CNST: variants seen among roughly 807,000 people sequenced by gnomAD.
CNST encodes the protein consortin.
Under a neutral mutation model 72.4 loss-of-function variants are expected in CNST, and 39 were observed. That is an observed-to-expected ratio of 0.54 (90% CI 0.42 to 0.70). The LOEUF (loss-of-function observed/expected upper bound fraction) is 0.70, where lower values mean the gene tolerates loss of function less well. Ranked by LOEUF, CNST falls within the 30% of genes least tolerant of loss-of-function variation. CNST has a pLI of 0.00. For synonymous variants in CNST, 332 were observed against 320.1 expected, an observed-to-expected ratio of 1.04 and a Z score of -0.40; for missense variants, 871 against 868.5, an observed-to-expected ratio of 1.00 and a Z score of -0.04.
intron 2 of CNST, among the ~76,000 whole-genome samples, chr1:246,599,628 C>T (rs1271430702): frequency 7.9e-5 from 12 of 152,156 alleles, no homozygotes; most frequent in Non-Finnish European, 1.5e-4. Flanking sequence ...ATCAGCTGGG[C>T]TGGGCGCAAT....
intron 2 of CNST, among the ~76,000 whole-genome samples, chr1:246,613,124 C>G (rs767312827): frequency 6.6e-6 from 1 of 152,140 alleles, no homozygotes; most frequent in African/African-American, 2.4e-5. Context: ...GATTAAGTAA[C>G]GTGCCCGATG....
At chr1:246,659,558 G>A (rs942245687) in intron 9 of CNST, among the ~76,000 whole-genome samples, 1 of 151,656 alleles carries the variant, frequency 6.6e-6, no homozygotes, top group Non-Finnish European at 1.5e-5. Context: ...TCGCGCCACT[G>A]CACTCCAGCC....
chr1:246,574,938 C>CA (rs1172705592), intron 1 of CNST, among the ~76,000 whole-genome samples: 10 of 151,676 alleles, frequency 6.6e-5, no homozygotes, highest in Admixed American at 6.6e-4. Flanking sequence ...CATAGTGAGT[C>CA]AAAGAACAAA....
chr1:246,585,711 ACT>A (rs1466284061), intron 1 of CNST, among the ~76,000 whole-genome samples: 7 of 108,254 alleles, frequency 6.5e-5, no homozygotes, highest in Non-Finnish European at 1.2e-4. Context: ...ACACACACAC[ACT>A]ATATATGTAT....
At chr1:246,660,389 GA>G (rs1667030511) in intron 10 of CNST, 55 bp downstream of exon 10, 1 of 1,572,268 alleles carries the variant, frequency 6.4e-7, no homozygotes, top group Admixed American at 1.9e-5. Flanking sequence ...TTGCTGAAAG[GA>G]TGAGTTTGTG....
intron 2 of CNST, among the ~76,000 whole-genome samples, chr1:246,613,015 A>C (rs766264511): frequency 6.6e-6 from 1 of 152,178 alleles, no homozygotes; most frequent in Non-Finnish European, 1.5e-5. Context: ...ACTGTGGTAC[A>C]TGCTTTATGT....
intron 9 of CNST, among the ~76,000 whole-genome samples, chr1:246,648,857 A>C (rs1390033972): frequency 6.6e-6 from 1 of 152,180 alleles, no homozygotes; most frequent in Non-Finnish European, 1.5e-5. Flanking sequence ...TTGTGTTCTA[A>C]ATCAGCATTA....
intron 6 of CNST, among the ~76,000 whole-genome samples, chr1:246,637,419 G>A (rs1170589441): frequency 3.3e-5 from 5 of 152,236 alleles, no homozygotes; most frequent in Non-Finnish European, 7.3e-5. Flanking sequence ...ACAAATGAAA[G>A]ACCATGTCTG....
intron 1 of CNST, among the ~76,000 whole-genome samples, chr1:246,567,952 T>C (rs1011918560): frequency 3.9e-5 from 6 of 152,160 alleles, no homozygotes; most frequent in Non-Finnish European, 1.5e-5. Context: ...AATAGAATTA[T>C]GTCTTCATGG....
chr1:246,587,829 G>A (rs1661288644), intron 1 of CNST, among the ~76,000 whole-genome samples: 1 of 152,178 alleles, frequency 6.6e-6, no homozygotes, highest in Admixed American at 6.5e-5. Context: ...CAGGATTGAG[G>A]AATATGAAAC....
At chr1:246,623,378 C>A (rs1664214009) in intron 3 of CNST, among the ~76,000 whole-genome samples, 1 of 152,130 alleles carries the variant, frequency 6.6e-6, no homozygotes, top group Admixed American at 6.6e-5. Context: ...TGTCTCTAAT[C>A]CTAATGTAAC....
chr1:246,664,630 G>GT (rs1667299269), intron 10 of CNST, among the ~76,000 whole-genome samples: 1 of 151,806 alleles, frequency 6.6e-6, no homozygotes, highest in Non-Finnish European at 1.5e-5. Context: ...GTTTCACCGT[G>GT]TCAGCCAGGA....
chr1:246,646,461 C>T (rs956645197), intron 8 of CNST, among the ~76,000 whole-genome samples: 1 of 151,978 alleles, frequency 6.6e-6, no homozygotes, highest in Admixed American at 6.6e-5. Flanking sequence ...AAAATATTTA[C>T]TTAATACACC....
At chr1:246,660,725 A>T (rs1019896653) in intron 10 of CNST, among the ~76,000 whole-genome samples, 3 of 152,326 alleles carry the variant, frequency 2.0e-5, no homozygotes, top group African/African-American at 7.2e-5. Flanking sequence ...TCCATCTCAA[A>T]AAATAAATAT....
intron 9 of CNST, chr1:246,648,271 A>AGAGT: frequency 7.9e-7 from 1 of 1,259,940 alleles, no homozygotes; most frequent in Non-Finnish European, 1.0e-6. Context: ...GCCTCCAGCT[A>AGAGT]GAGTGAGCGT....
chr1:246,570,915 CTT>C (rs1558522169), intron 1 of CNST, among the ~76,000 whole-genome samples: 1 of 152,154 alleles, frequency 6.6e-6, no homozygotes, highest in African/African-American at 2.4e-5. Context: ...GAAATTCTAA[CTT>C]AATATATGTA....
At chr1:246,588,999 C>A (rs1661367766) in intron 1 of CNST, among the ~76,000 whole-genome samples, 1 of 152,040 alleles carries the variant, frequency 6.6e-6, no homozygotes, top group African/African-American at 2.4e-5. Flanking sequence ...ATTTCAGGTA[C>A]TCAATAGCCC....
chr1:246,600,727 G>A (rs1662229087), intron 2 of CNST, among the ~76,000 whole-genome samples: 2 of 152,162 alleles, frequency 1.3e-5, no homozygotes. Context: ...AGACAGTGTT[G>A]TGCTTTTGGG....
At chr1:246,580,891 C>T (rs1347858516) in intron 1 of CNST, among the ~76,000 whole-genome samples, 1 of 152,086 alleles carries the variant, frequency 6.6e-6, no homozygotes, top group African/African-American at 2.4e-5. Flanking sequence ...CAGGCGCGCG[C>T]CACCACACCC....
Sources: allele counts gnomAD v4.1 joint callset (sites outside exome capture counted in the v4.1 genomes callset), GRCh38; gene constraint gnomAD v4.1.1; transcripts MANE v1.5; gene names NCBI Gene and HGNC (gene_info 2026-07-23, HGNC 2026-07-21).